Variants in STAU1 observed in about 807,000 individuals in gnomAD.
STAU1 encodes staufen double-stranded RNA binding protein 1.
A neutral mutation model predicts 62.9 loss-of-function variants in STAU1; 13 were observed. The ratio of observed to expected loss-of-function variants is 0.21; its 90% CI spans 0.13 to 0.33. The LOEUF (loss-of-function observed/expected upper bound fraction) is 0.33. Among genes scored for constraint, STAU1 ranks in the 10% least tolerant of loss-of-function variants. The probability of loss-of-function intolerance (pLI) is 1.00; values close to 1 mark genes in which losing one functional copy is unlikely to be tolerated. For missense variants in STAU1, 571 were observed against 712.1 expected (o/e 0.80, Z 2.25); for synonymous variants, 269 against 265.1 (o/e 1.01, Z -0.14).
At position 49,117,882 on chromosome 20, in the gene STAU1, G is replaced by A. The variant is rs377731288; in HGVS notation, c.1404C>T (p.Ala468=). 5.6e-6 allele frequency: 9 copies of A among 1,614,040 alleles called. No homozygotes were observed. In the East Asian group the frequency reaches 8.9e-5, roughly 16 times the overall value. The part of the protein sequence containing the change: ...ELLYGGTSPT[A]ETILKNNISS... ...AGATGTTATTCTTTAAAATGGTCTCGGCTGTGGGCGAGGTGCCCCCATACA... is the reference window on the plus strand; with the variant it reads ...AGATGTTATTCTTTAAAATGGTCTCAGCTGTGGGCGAGGTGCCCCCATACA... The change falls in exon 11 of 14, where the codon GCC becomes GCT. Residue 468 remains alanine, a synonymous_variant. Coordinates refer to ENST00000371856, the MANE Select transcript of STAU1 (RefSeq NM_017453.4). This position sits in a 1 kb window ranked among gnomAD's most constrained non-coding sequence, Gnocchi z 4.6.
the STAU1 span, among the ~76,000 whole-genome samples, chr20:49,209,863 A>G: frequency 2.6e-5 from 4 of 152,098 alleles, no homozygotes; most frequent in East Asian, 1.9e-4. Flanking sequence ...CCTAGCCAAC[A>G]TGGTGAAACC....
chr20:49,180,332 T>TCC (rs3091763), intron 1 of STAU1, among the ~76,000 whole-genome samples: 15,446 of 146,732 alleles, frequency 0.11, 980 homozygotes, highest in Non-Finnish European at 0.13. Context: ...TTTTTTTTTT[T>TCC]CCCCCCCTGG....
chr20:49,121,913 T>G (rs1025399421), intron 8 of STAU1, among the ~76,000 whole-genome samples: 3 of 152,088 alleles, frequency 2.0e-5, no homozygotes, highest in Non-Finnish European at 4.4e-5. Flanking sequence ...GTCACAAGAC[T>G]CAGAGAGTCA....
chr20:49,152,643 A>T (rs2093275085), intron 4 of STAU1, among the ~76,000 whole-genome samples: 1 of 152,010 alleles, frequency 6.6e-6, no homozygotes, highest in Non-Finnish European at 1.5e-5. Context: ...CCTGGCCTCC[A>T]CTAATGTCTT....
At chr20:49,164,361 T>C (rs887225271) in intron 3 of STAU1, among the ~76,000 whole-genome samples, 1 of 151,426 alleles carries the variant, frequency 6.6e-6, no homozygotes, top group Non-Finnish European at 1.5e-5. Context: ...AATACAGTGG[T>C]ATAATTACAG....
chr20:49,120,837 C>T (rs1288686776), intron 8 of STAU1, among the ~76,000 whole-genome samples: 1 of 152,120 alleles, frequency 6.6e-6, no homozygotes, highest in African/African-American at 2.4e-5. Flanking sequence ...CTTCTTCACC[C>T]AGGATGGAGT....
At chr20:49,170,521 T>A (rs1381342972) in intron 2 of STAU1, among the ~76,000 whole-genome samples, 1 of 152,068 alleles carries the variant, frequency 6.6e-6, no homozygotes, top group Non-Finnish European at 1.5e-5. Context: ...TGGCTAATTA[T>A]TTTGTGTTTT....
intron 5 of STAU1, among the ~76,000 whole-genome samples, chr20:49,142,762 C>CA (rs2093037650): frequency 6.6e-6 from 1 of 151,862 alleles, no homozygotes; most frequent in African/African-American, 2.4e-5. Flanking sequence ...AATAAAAATG[C>CA]AAAAAAACAT....
intron 6 of STAU1, among the ~76,000 whole-genome samples, chr20:49,130,344 T>C (rs1266207257): frequency 1.3e-5 from 2 of 152,174 alleles, no homozygotes; most frequent in Non-Finnish European, 2.9e-5. Flanking sequence ...CAGGGAACTT[T>C]ACTGGGTGGG....
rs190504650 is a variant in STAU1 at position 49,158,329 on chromosome 20, T to C, written c.206-4258A>G. 1.3e-3 allele frequency: 935 copies of C among 722,162 alleles called. 19 individuals are homozygous for C. The Admixed American group carries it at 0.028, about 22-fold the overall frequency. 44.7% of individuals were successfully genotyped at this position (722,162 alleles called of 1,614,324 possible). A position where few individuals can be genotyped will look rare whatever the true frequency, so the allele number is the denominator to read the frequency against. ...TGAAGCTTTTATTCTTCTGATGTAA[T>C]CACTGAATATCACTTTATCTCACTT... On this transcript the variant is annotated intron_variant, in intron 3 of 13. Transcript: ENST00000371856.
At chr20:49,125,232 T>TA (rs565322149) in intron 6 of STAU1, among the ~76,000 whole-genome samples, 1,391 of 40,784 alleles carry the variant, frequency 0.034, 12 homozygotes, top group Non-Finnish European at 0.053. Context: ...AAACGAAGGA[T>TA]AAAAAAAATC....
intron 6 of STAU1, among the ~76,000 whole-genome samples, chr20:49,125,534 GAAA>G (rs527934630): frequency 1.0e-4 from 8 of 76,366 alleles, no homozygotes; most frequent in African/African-American, 1.4e-4. Context: ...TGTCTCAAAG[GAAA>G]AAAAAAAAAA....
chr20:49,205,858 G>C, the STAU1 span, among the ~76,000 whole-genome samples: 6 of 150,084 alleles, frequency 4.0e-5, no homozygotes, highest in Admixed American at 3.4e-4. Flanking sequence ...ATTTTTAGTA[G>C]AGACGGGGTT....
At chr20:49,210,269 C>T in the STAU1 span, among the ~76,000 whole-genome samples, 1 of 152,004 alleles carries the variant, frequency 6.6e-6, no homozygotes, top group African/African-American at 2.4e-5. Context: ...CACTTCCTGT[C>T]AAAGGGGTGG....
intron 4 of STAU1, among the ~76,000 whole-genome samples, chr20:49,152,782 C>A (rs898766772): frequency 1.3e-5 from 2 of 152,180 alleles, no homozygotes; most frequent in Non-Finnish European, 2.9e-5. Flanking sequence ...AGGTAATCTA[C>A]AAATGCTGGG....
intron 1 of STAU1, among the ~76,000 whole-genome samples, chr20:49,187,351 G>A (rs1157168539): frequency 6.6e-6 from 1 of 152,110 alleles, no homozygotes. Context: ...TTAAGCGTAC[G>A]CCCCTTTCAG....
At chr20:49,166,376 A>G in intron 2 of STAU1, 91 bp from the exon 3 acceptor site, 1 of 603,426 alleles carries the variant, frequency 1.7e-6, no homozygotes. Context: ...TCACCTACTG[A>G]CTTATGAAAA....
the STAU1 span, among the ~76,000 whole-genome samples, chr20:49,205,092 C>CTTAG: frequency 1.3e-5 from 2 of 152,130 alleles, no homozygotes; most frequent in African/African-American, 2.4e-5. Context: ...CCCCTGTTGG[C>CTTAG]TTAGCTGACC....
chr20:49,195,008 T>G, the STAU1 span, among the ~76,000 whole-genome samples: 2 of 152,114 alleles, frequency 1.3e-5, no homozygotes, highest in Non-Finnish European at 2.9e-5. Context: ...AGAATGTTTG[T>G]ATCACTCTGA....
Sources: allele counts gnomAD v4.1 joint callset (sites outside exome capture counted in the v4.1 genomes callset), GRCh38; gene constraint gnomAD v4.1.1; non-coding constraint Gnocchi (gnomAD v3.1); transcripts MANE v1.5; gene names NCBI Gene and HGNC (gene_info 2026-07-23, HGNC 2026-07-21).